The following EYS variants were observed in gnomAD, a reference collection of about 807,000 sequenced individuals.
EYS encodes the protein EGF-like photoreceptor maintenance factor, also known as protein eyes shut homolog.
EYS carries 250 observed loss-of-function variants against 282.1 expected under a neutral mutation model. The ratio of observed to expected loss-of-function variants is 0.89; its 90% CI spans 0.80 to 0.98. The LOEUF (loss-of-function observed/expected upper bound fraction) is 0.98. Ranked by LOEUF, EYS falls within the 50% of genes least tolerant of loss-of-function variation. EYS has a pLI of 0.00. For synonymous variants in EYS, 1,355 were observed against 1,282.9 expected, an observed-to-expected ratio of 1.06 and a Z score of -1.20; for missense variants, 4,016 against 3,709.0, an observed-to-expected ratio of 1.08 and a Z score of -2.15.
chr6:63,739,940 C>T (rs1376081106), intron 41 of EYS, among the ~76,000 whole-genome samples: 1 of 151,328 alleles, frequency 6.6e-6, no homozygotes, highest in African/African-American at 2.4e-5. Flanking sequence ...CCTCGTGATC[C>T]ACCCACCTCA....
chr6:64,181,938 A>AT (rs1279865604), intron 31 of EYS, among the ~76,000 whole-genome samples: 2 of 152,012 alleles, frequency 1.3e-5, no homozygotes, highest in Non-Finnish European at 2.9e-5. Flanking sequence ...GCAGAATTTA[A>AT]TTTTTGTCTG....
intron 2 of EYS, among the ~76,000 whole-genome samples, chr6:65,615,871 A>C (rs561630910): frequency 6.6e-6 from 1 of 151,966 alleles, no homozygotes; most frequent in Non-Finnish European, 1.5e-5. Context: ...GAGGCGGAGC[A>C]TGCAGTGAGC....
At chr6:65,563,213 T>C (rs1419846110) in intron 2 of EYS, among the ~76,000 whole-genome samples, 2 of 152,106 alleles carry the variant, frequency 1.3e-5, no homozygotes, top group Non-Finnish European at 2.9e-5. Flanking sequence ...ACATACTCAT[T>C]TCAACACAAA....
rs145842596 is a variant in EYS at position 63,974,180 on chromosome 6, T to C, written c.7055+10203A>G. Among the ~76,000 whole-genome samples the C allele has an allele frequency of 1.4e-3, 210 of 152,222 alleles. 2 individuals are homozygous for C. In the East Asian group the frequency reaches 0.036, roughly 26 times the overall value. ...ACAATTTTAACAGTGGCATGTTTAA[T>C]TATATGTAAAAATCATAGTGGTTAA... On this transcript the variant is annotated intron_variant, in intron 35 of 42. Transcript: ENST00000503581.
At chr6:64,287,009 G>T (rs1190322072) in intron 30 of EYS, among the ~76,000 whole-genome samples, 1 of 152,100 alleles carries the variant, frequency 6.6e-6, no homozygotes, top group Non-Finnish European at 1.5e-5. Flanking sequence ...GATGCCTGGT[G>T]AGATGTGAAT....
intron 19 of EYS, among the ~76,000 whole-genome samples, chr6:64,873,680 A>G (rs1032560260): frequency 6.6e-6 from 1 of 151,994 alleles, no homozygotes; most frequent in African/African-American, 2.4e-5. Context: ...TTAAAAATAG[A>G]TTTTTAACAT....
At chr6:64,177,574 T>C (rs1269958656) in intron 31 of EYS, among the ~76,000 whole-genome samples, 1 of 152,112 alleles carries the variant, frequency 6.6e-6, no homozygotes, top group African/African-American at 2.4e-5. Context: ...AGTTTGGTGA[T>C]TGCATTGCTA....
At chr6:65,311,884 G>A (rs527879090) in intron 11 of EYS, among the ~76,000 whole-genome samples, 1 of 152,184 alleles carries the variant, frequency 6.6e-6, no homozygotes, top group African/African-American at 2.4e-5. Context: ...TCAGAAAAAT[G>A]AGTGCTTTTC....
At chr6:65,648,844 CA>C (rs1350896086) in intron 1 of EYS, among the ~76,000 whole-genome samples, 2 of 151,908 alleles carry the variant, frequency 1.3e-5, no homozygotes, top group East Asian at 3.9e-4. Context: ...AGAAAGGGAA[CA>C]AAAGATTTTT....
At chr6:64,839,425 C>T (rs1765494770) in intron 19 of EYS, among the ~76,000 whole-genome samples, 1 of 151,962 alleles carries the variant, frequency 6.6e-6, no homozygotes, top group South Asian at 2.1e-4. Context: ...TTCTATATAA[C>T]AGTGTTCCTT....
chr6:65,606,271 G>T (rs1185533021), intron 2 of EYS, among the ~76,000 whole-genome samples: 1 of 151,532 alleles, frequency 6.6e-6, no homozygotes, highest in South Asian at 2.1e-4. Context: ...ACACAAATGT[G>T]AAATGATCAC....
At position 64,945,000 on chromosome 6, in the gene EYS, A is replaced by G. The variant is rs58068362; in HGVS notation, c.2381+793T>C. ...CTCCTTATTATCACCCTGCCCTCCT[A>G]CTACATTCCTTTTTGCTGAAATAAT... On this transcript the variant is annotated intron_variant, in intron 15 of 42. Coordinates refer to ENST00000503581, the MANE Select transcript of EYS (RefSeq NM_001142800.2). 7.6e-3 allele frequency among the ~76,000 whole-genome samples: 1,158 copies of G among 151,842 alleles called. 17 individuals are homozygous for G. The highest frequency in any genetic ancestry group is 0.027 in the African/African-American group (1,102 of 41,430).
chr6:63,995,317 A>G (rs987742314), intron 34 of EYS, among the ~76,000 whole-genome samples: 1 of 152,024 alleles, frequency 6.6e-6, no homozygotes, highest in Non-Finnish European at 1.5e-5. Flanking sequence ...ACCATCTCCA[A>G]TCATCAGGGA....
chr6:64,967,991 G>A (rs983656620), intron 14 of EYS, among the ~76,000 whole-genome samples: 4 of 152,168 alleles, frequency 2.6e-5, no homozygotes, highest in African/African-American at 9.6e-5. Flanking sequence ...TCAGCAGAAA[G>A]AAGACATTGG....
At chr6:64,349,723 ACTGT>A (rs1771548405) in intron 29 of EYS, among the ~76,000 whole-genome samples, 1 of 151,434 alleles carries the variant, frequency 6.6e-6, no homozygotes, top group African/African-American at 2.4e-5. Flanking sequence ...GAAAACTTAA[ACTGT>A]CTGCAATTTG....
Position 64,997,663 on chromosome 6 carries a change from A to C in EYS, c.2178T>G (p.Val726=). 1 of 1,551,226 alleles carries C rather than the reference A, an allele frequency of 6.4e-7. No individual in the cohort carries two copies. Among genetic ancestry groups the C allele is most frequent in the East Asian group, 2.4e-5 (1 of 40,858 alleles). The part of the protein sequence containing the change: ...GFSCLCNPGY[V]GIRCEQDIDD... ...CAATGTCCTGTTCACATCTTATCCC[A>C]ACATAGCCTGGATTGCATAAGCAGG... Residue 726 remains valine (V), a synonymous_variant, in exon 14 of 43, where the codon GTT becomes GTG. Coordinates refer to ENST00000503581, the MANE Select transcript of EYS (RefSeq NM_001142800.2).
intron 39 of EYS, among the ~76,000 whole-genome samples, chr6:63,786,924 G>A (rs1312636948): frequency 6.6e-6 from 1 of 152,050 alleles, no homozygotes; most frequent in Non-Finnish European, 1.5e-5. Context: ...TGGTTGTCCT[G>A]GTAAGTTGGT....
At chr6:63,994,294 A>G (rs1418523342) in intron 34 of EYS, among the ~76,000 whole-genome samples, 1 of 151,898 alleles carries the variant, frequency 6.6e-6, no homozygotes, top group African/African-American at 2.4e-5. Flanking sequence ...GTCTAGTGGC[A>G]AGCCTTAAGT....
intron 12 of EYS, among the ~76,000 whole-genome samples, chr6:65,227,271 T>A (rs1224330227): frequency 6.6e-6 from 1 of 152,040 alleles, no homozygotes; most frequent in Non-Finnish European, 1.5e-5. Flanking sequence ...GTCCAGAGTA[T>A]GCAAATTCAG....
Sources: allele counts gnomAD v4.1 joint callset (sites outside exome capture counted in the v4.1 genomes callset), GRCh38; gene constraint gnomAD v4.1.1; transcripts MANE v1.5; gene names NCBI Gene and HGNC (gene_info 2026-07-23, HGNC 2026-07-21).